Variants in SH2D4B observed in about 807,000 individuals in gnomAD.
SH2D4B encodes the protein SH2 domain-containing protein 4B.
In SH2D4B, 45 loss-of-function variants were observed where a neutral mutation model predicts 61.5. The ratio of observed to expected loss-of-function variants is 0.73; its 90% CI spans 0.58 to 0.94. SH2D4B has a LOEUF of 0.94. Among genes scored for constraint, SH2D4B ranks in the 40% least tolerant of loss-of-function variants. The pLI, the probability that SH2D4B is intolerant of heterozygous loss-of-function variation, is 0.00. For synonymous variants in SH2D4B, 224 were observed against 220.4 expected (o/e 1.02, Z -0.14); for missense variants, 572 against 574.2 (o/e 1.00, Z 0.04).
intron 1 of SH2D4B, among the ~76,000 whole-genome samples, chr10:80,565,801 T>TGAA (rs1841958543): frequency 6.6e-6 from 1 of 151,320 alleles, no homozygotes; most frequent in African/African-American, 2.4e-5. Context: ...GGTAAAAGAG[T>TGAA]GAAGAGTGGC....
At chr10:80,566,150 GACTTATCC>G (rs1841966104) in intron 1 of SH2D4B, among the ~76,000 whole-genome samples, 30 of 132,316 alleles carry the variant, frequency 2.3e-4, no homozygotes, top group Admixed American at 2.1e-3. Flanking sequence ...CTCCTAAGAA[GACTTATCC>G]AGTTTGTTTG....
At chr10:80,609,276 G>C in intron 5 of SH2D4B, 148 bp from the exon 6 acceptor site, 1 of 698,084 alleles carries the variant, frequency 1.4e-6, no homozygotes, top group South Asian at 1.9e-5. Context: ...TTCTCTCATG[G>C]CCCTCCCCTG....
At chr10:80,609,721 A>G (rs534627419) in intron 6 of SH2D4B, among the ~76,000 whole-genome samples, 170 bp downstream of exon 6, 45 of 152,302 alleles carry the variant, frequency 3.0e-4, no homozygotes, top group Admixed American at 1.1e-3. Context: ...GGCCCCAGGG[A>G]TGCTGAACGG....
chr10:80,618,281 G>C (rs17107400), intron 6 of SH2D4B, among the ~76,000 whole-genome samples: 4,715 of 152,248 alleles, frequency 0.031, 107 homozygotes, highest in African/African-American at 0.052. Context: ...TCTTGCCATA[G>C]CCAGTTTCAG....
chr10:80,597,838 G>A (rs1564779010), intron 4 of SH2D4B, among the ~76,000 whole-genome samples: 1 of 152,174 alleles, frequency 6.6e-6, no homozygotes, highest in African/African-American at 2.4e-5. Flanking sequence ...ACTGTGTTGA[G>A]CAAAGCAAGA....
chr10:80,551,737 C>T (rs1436739119), intron 1 of SH2D4B, among the ~76,000 whole-genome samples: 1 of 152,234 alleles, frequency 6.6e-6, no homozygotes, highest in Non-Finnish European at 1.5e-5. Context: ...GTGAGACACA[C>T]AGCGGGACTG....
At chr10:80,587,140 T>TG (rs1842265540) in intron 3 of SH2D4B, among the ~76,000 whole-genome samples, 1 of 53,344 alleles carries the variant, frequency 1.9e-5, no homozygotes, top group Non-Finnish European at 3.1e-5. Context: ...GTTTTTTTTT[T>TG]TTTTTGTTTT....
chr10:80,548,379 G>A (rs569306565), intron 1 of SH2D4B, among the ~76,000 whole-genome samples: 1 of 152,256 alleles, frequency 6.6e-6, no homozygotes, highest in East Asian at 1.9e-4. Context: ...GCCCAGGCTG[G>A]TCTCAAACTC....
At chr10:80,570,365 G>A in intron 2 of SH2D4B, 49 bp downstream of exon 2, 1 of 1,594,664 alleles carries the variant, frequency 6.3e-7, no homozygotes, top group Non-Finnish European at 8.5e-7. Flanking sequence ...TGGAAGCTAT[G>A]CTTAGCCCCA....
intron 1 of SH2D4B, 145 bp from the exon 2 acceptor site, chr10:80,570,009 C>G (rs774153121): frequency 3.1e-5 from 31 of 996,204 alleles, no homozygotes; most frequent in Middle Eastern, 2.7e-4. Context: ...GGACCTGCCC[C>G]CAGGCCAGTG....
chr10:80,542,542 C>T (rs528158039), intron 1 of SH2D4B, among the ~76,000 whole-genome samples: 8 of 151,772 alleles, frequency 5.3e-5, no homozygotes, highest in South Asian at 2.1e-4. Context: ...GGATTACAGG[C>T]GCCCACCACC....
chr10:80,564,301 T>A (rs182404699), intron 1 of SH2D4B, among the ~76,000 whole-genome samples: 1 of 152,356 alleles, frequency 6.6e-6, no homozygotes, highest in Admixed American at 6.5e-5. Context: ...TTTCACAGGC[T>A]TAGGAAACCA....
chr10:80,553,359 C>T (rs1298654016), intron 1 of SH2D4B, among the ~76,000 whole-genome samples: 1 of 152,244 alleles, frequency 6.6e-6, no homozygotes, highest in Non-Finnish European at 1.5e-5. Flanking sequence ...GCAGCTCCCT[C>T]ATTTTACAGA....
At chr10:80,641,246 G>T (rs913337462) in intron 7 of SH2D4B, among the ~76,000 whole-genome samples, 2 of 152,240 alleles carry the variant, frequency 1.3e-5, no homozygotes, top group Non-Finnish European at 2.9e-5. Context: ...GGCTACACAG[G>T]GGTCAGGTAT....
In SH2D4B at chr10:80,539,716, C is replaced by T. The variant is rs900515654; in HGVS notation, c.184+1201C>T. 6.6e-6 allele frequency among the ~76,000 whole-genome samples: 1 copy of T among 152,150 alleles called. No individual in the cohort carries two copies. Among genetic ancestry groups the T allele is most frequent in the Non-Finnish European group, 1.5e-5 (1 of 68,026 alleles). On this transcript the variant is annotated intron_variant, in intron 1 of 7. Coordinates refer to ENST00000646907, the MANE Select transcript of SH2D4B (RefSeq NM_001388272.1). The surrounding 1 kb of genome is among the most constrained non-coding windows in gnomAD (Gnocchi z 4.9). ...GTCATTGTCATTCCTCATCTGCTTG[C>T]CTGGCTCTCCGATGGGCTCAAAGGC...
chr10:80,605,629 C>T (rs2132141477), intron 5 of SH2D4B, among the ~76,000 whole-genome samples: 1 of 152,292 alleles, frequency 6.6e-6, no homozygotes, highest in South Asian at 2.1e-4. Flanking sequence ...AGTGATTCTC[C>T]TGCCTCAGCC....
At chr10:80,553,181 G>A (rs976875517) in intron 1 of SH2D4B, among the ~76,000 whole-genome samples, 1 of 152,212 alleles carries the variant, frequency 6.6e-6, no homozygotes, top group African/African-American at 2.4e-5. Flanking sequence ...GCCTCCCAAA[G>A]TGTTGGGATT....
In SH2D4B at chr10:80,538,234, T is replaced by G; in HGVS notation, c.-98T>G. ...AAGGGGCACCGAGAGTGGCCCCGGA[T>G]TGAGCAGTCCGTAGTGCAGAGCAGC... On this transcript the variant is annotated 5_prime_UTR_variant, in exon 1 of 8. Coordinates refer to ENST00000646907, the MANE Select transcript of SH2D4B (RefSeq NM_001388272.1). This position sits in a 1 kb window ranked among gnomAD's most constrained non-coding sequence, Gnocchi z 4.8. The G allele has an allele frequency of 1.9e-6, 2 of 1,041,398 alleles. No homozygotes were observed. The highest frequency in any genetic ancestry group is 2.5e-6 in the Non-Finnish European group (2 of 796,588). The allele number at this position is 1,041,398 out of a possible 1,614,324, so 64.5% of individuals were successfully genotyped here. A position where few individuals can be genotyped will look rare whatever the true frequency, so the allele number is the denominator to read the frequency against.
intron 1 of SH2D4B, among the ~76,000 whole-genome samples, chr10:80,567,294 T>C (rs1297301706): frequency 6.6e-6 from 1 of 152,222 alleles, no homozygotes; most frequent in Admixed American, 6.5e-5. Context: ...AGTTGAGGAA[T>C]GTAGTCAGTC....
Sources: gnomAD v4.1 joint callset for allele counts (sites outside exome capture counted in the v4.1 genomes callset) on GRCh38, gnomAD v4.1.1 for gene constraint, Gnocchi (gnomAD v3.1) non-coding constraint, MANE v1.5 for transcripts, NCBI Gene and HGNC (gene_info 2026-07-23, HGNC 2026-07-21) for gene names.